SOBP: variants seen among roughly 807,000 people sequenced by gnomAD.
The protein encoded by SOBP is sine oculis-binding protein homolog.
Under a neutral mutation model 53.6 loss-of-function variants are expected in SOBP, and 4 were observed. That is an observed-to-expected ratio of 0.07 (90% confidence interval 0.04 to 0.17). The LOEUF (loss-of-function observed/expected upper bound fraction) is 0.17, where lower values mean the gene tolerates loss of function less well. SOBP is among the 10% of genes least tolerant of loss of function. SOBP has a pLI of 1.00. For synonymous variants in SOBP, 584 were observed against 522.6 expected, an observed-to-expected ratio of 1.12 and a Z score of -1.60; for missense variants, 1,088 against 1,204.7, an observed-to-expected ratio of 0.90 and a Z score of 1.43.
chr6:107,491,294 CCTCACCA>C (rs1328364093), intron 1 of SOBP, among the ~76,000 whole-genome samples: 1 of 152,216 alleles, frequency 6.6e-6, no homozygotes, highest in African/African-American at 2.4e-5. Context: ...CCCGCCCGCA[CCTCACCA>C]CTGGCAGCCT....
In SOBP at chr6:107,634,304, G is replaced by GTCT; in HGVS notation, c.1463_1465dup (p.Leu488dup). ...CCGCCTCCGGGCGCCCCGCTGCCGA[G>GTCT]TCTTCCCTTCCCGCCAGTGAGCATG... On this transcript the variant is annotated inframe_insertion, in exon 6 of 7. Coordinates refer to ENST00000317357, the MANE Select transcript of SOBP (RefSeq NM_018013.4). The surrounding 1 kb of genome is among the most constrained non-coding windows in gnomAD (Gnocchi z 4.5). 2 of 1,570,314 alleles carry GTCT rather than the reference G, an allele frequency of 1.3e-6. No individual in the cohort carries two copies. The highest frequency in any genetic ancestry group is 1.7e-6 in the Non-Finnish European group (2 of 1,164,898).
chr6:107,607,379 G>C lies in SOBP; in HGVS notation c.669+20204G>C, dbSNP rs540607861. ...GACAGGCCCAACATGAAATATTCTG[G>C]TCTGTTATCATTCAGCTCCCAAGGA... On this transcript the variant is annotated intron_variant, in intron 5 of 6. Transcript: ENST00000317357. 9.8e-5 allele frequency among the ~76,000 whole-genome samples: 15 copies of C among 152,310 alleles called. No individual in the cohort carries two copies. In the East Asian group the frequency reaches 2.9e-3, roughly 29 times the overall value.
At chr6:107,644,655 T>C (rs566574797) in intron 6 of SOBP, among the ~76,000 whole-genome samples, 1 of 152,202 alleles carries the variant, frequency 6.6e-6, no homozygotes, top group African/African-American at 2.4e-5. Flanking sequence ...CTGGTAAGAA[T>C]GGGGAAAAGA....
At chr6:107,501,953 G>A (rs547581992) in intron 1 of SOBP, among the ~76,000 whole-genome samples, 3 of 152,288 alleles carry the variant, frequency 2.0e-5, no homozygotes, top group African/African-American at 4.8e-5. Context: ...TTGGCCTTGC[G>A]GATGGTAACA....
At chr6:107,546,110 A>T (rs1229361632) in intron 4 of SOBP, among the ~76,000 whole-genome samples, 1 of 152,230 alleles carries the variant, frequency 6.6e-6, no homozygotes, top group Non-Finnish European at 1.5e-5. Flanking sequence ...CCAATGGGAA[A>T]TGGAGAGGGC....
intron 5 of SOBP, among the ~76,000 whole-genome samples, chr6:107,602,727 A>G (rs1786232060): frequency 6.6e-6 from 1 of 152,242 alleles, no homozygotes; most frequent in Admixed American, 6.5e-5. Flanking sequence ...ATGCTAAACC[A>G]GTAAAACCCA....
At chr6:107,640,700 A>G (rs1451355543) in intron 6 of SOBP, among the ~76,000 whole-genome samples, 1 of 152,236 alleles carries the variant, frequency 6.6e-6, no homozygotes, top group East Asian at 1.9e-4. Context: ...ACAAGCATCC[A>G]ACTTTTATAT....
At chr6:107,542,081 G>A (rs1371838654) in intron 4 of SOBP, among the ~76,000 whole-genome samples, 5 of 152,032 alleles carry the variant, frequency 3.3e-5, no homozygotes, top group Admixed American at 1.3e-4. Context: ...ACACTCTAGC[G>A]GGGGAGATAG....
intron 3 of SOBP, among the ~76,000 whole-genome samples, chr6:107,507,061 C>T (rs776210309): frequency 6.0e-5 from 9 of 150,066 alleles, no homozygotes; most frequent in Admixed American, 2.0e-4. Context: ...AGCAAAACTC[C>T]GTCTCAAAAA....
In SOBP at chr6:107,507,600, C is replaced by T. The variant is rs570813126; in HGVS notation, c.421+1173C>T. ...GGATTACAGGTGTGAGCCACCATTC[C>T]GGGCCCTAAAACAGTTTTTTTAGCT... On this transcript the variant is annotated intron_variant, in intron 3 of 6. Coordinates refer to ENST00000317357, the MANE Select transcript of SOBP (RefSeq NM_018013.4). 3.3e-5 allele frequency among the ~76,000 whole-genome samples: 5 copies of T among 152,168 alleles called. No individual in the cohort carries two copies. The East Asian group carries it at 5.8e-4, about 18-fold the overall frequency.
intron 3 of SOBP, among the ~76,000 whole-genome samples, chr6:107,528,118 CAGAA>C (rs1300884000): frequency 1.3e-5 from 2 of 152,188 alleles, no homozygotes; most frequent in African/African-American, 4.8e-5. Flanking sequence ...ACATATTCTT[CAGAA>C]AGAATCATTC....
At chr6:107,627,509 G>A (rs1361506031) in intron 5 of SOBP, among the ~76,000 whole-genome samples, 1 of 152,172 alleles carries the variant, frequency 6.6e-6, no homozygotes, top group Non-Finnish European at 1.5e-5. Flanking sequence ...AGTTCCTACA[G>A]GGCAGTTTTC....
intron 5 of SOBP, among the ~76,000 whole-genome samples, chr6:107,595,933 A>G (rs1400100421): frequency 6.6e-6 from 1 of 152,210 alleles, no homozygotes; most frequent in East Asian, 1.9e-4. Flanking sequence ...AATGTATTTC[A>G]TTGCATTTTG....
intron 4 of SOBP, among the ~76,000 whole-genome samples, chr6:107,540,232 A>G (rs1248956689): frequency 1.3e-5 from 2 of 152,242 alleles, no homozygotes; most frequent in Admixed American, 6.5e-5. Context: ...GATCCAAGCT[A>G]TAGGCATGCC....
chr6:107,657,895 G>A (rs1562132091), intron 6 of SOBP, among the ~76,000 whole-genome samples: 1 of 152,024 alleles, frequency 6.6e-6, no homozygotes, highest in Admixed American at 6.5e-5. Context: ...GGAGGGGGAG[G>A]GTTGCTGGGT....
chr6:107,590,267 A>G (rs1196999428), intron 5 of SOBP, among the ~76,000 whole-genome samples: 3 of 152,192 alleles, frequency 2.0e-5, no homozygotes, highest in Non-Finnish European at 4.4e-5. Context: ...CTGGAGGGGA[A>G]AGACCTCTAG....
intron 5 of SOBP, among the ~76,000 whole-genome samples, chr6:107,625,707 T>C (rs993458813): frequency 6.6e-6 from 1 of 151,716 alleles, no homozygotes; most frequent in Admixed American, 6.6e-5. Context: ...GGCGTGGGGG[T>C]TGGGGGGACT....
intron 3 of SOBP, among the ~76,000 whole-genome samples, chr6:107,532,020 G>T (rs1783837208): frequency 6.6e-6 from 1 of 152,038 alleles, no homozygotes; most frequent in Non-Finnish European, 1.5e-5. Flanking sequence ...TGAAATGATT[G>T]CATGACAAAC....
rs1357292453 is a variant in SOBP, at chr6:107,648,752, C to T, written c.*4-9455C>T. ...GTTCTAGAAGCTGGACTTCCATCCA[C>T]CTTTTCCTATTTCTGGCAACCCTTC... is the stretch of plus-strand genomic sequence containing the variant. On this transcript the variant is annotated intron_variant, in intron 6 of 6. Transcript: ENST00000317357. Among the ~76,000 whole-genome samples the T allele has an allele frequency of 4.6e-5, 7 of 152,166 alleles. No homozygotes were observed. The East Asian group carries it at 1.4e-3, about 29-fold the overall frequency.
Sources: gnomAD v4.1 joint callset for allele counts (sites outside exome capture counted in the v4.1 genomes callset) on GRCh38, gnomAD v4.1.1 for gene constraint, Gnocchi (gnomAD v3.1) non-coding constraint, MANE v1.5 for transcripts, NCBI Gene and HGNC (gene_info 2026-07-23, HGNC 2026-07-21) for gene names.